Variants in NR3C2 observed in about 807,000 individuals in gnomAD.
NR3C2 encodes the protein mineralocorticoid receptor.
In NR3C2, 15 loss-of-function variants were observed where a neutral mutation model predicts 86.4. The ratio of observed to expected loss-of-function variants is 0.17; its 90% CI spans 0.12 to 0.27. The LOEUF (loss-of-function observed/expected upper bound fraction) is 0.27. NR3C2 is among the 10% of genes least tolerant of loss of function. NR3C2 has a pLI of 1.00. For missense variants in NR3C2, 960 were observed against 1,195.6 expected, an observed-to-expected ratio of 0.80 and a Z score of 2.91; for synonymous variants, 458 against 450.5, an observed-to-expected ratio of 1.02 and a Z score of -0.21.
intron 8 of NR3C2, among the ~76,000 whole-genome samples, chr4:148,111,260 G>T (rs1184047987): frequency 6.6e-6 from 1 of 152,180 alleles, no homozygotes; most frequent in Non-Finnish European, 1.5e-5. Flanking sequence ...TTTCGTAAGT[G>T]AAAACCACAG....
At chr4:148,192,658 C>T (rs543742117) in intron 4 of NR3C2, among the ~76,000 whole-genome samples, 2 of 147,968 alleles carry the variant, frequency 1.4e-5, no homozygotes, top group African/African-American at 5.0e-5. Context: ...CTTGCTGTGG[C>T]TGCTGTGGGG....
chr4:148,136,056 C>CAAAAACAAAAAAAAAA (rs1733300417), intron 6 of NR3C2, among the ~76,000 whole-genome samples: 1 of 71,182 alleles, frequency 1.4e-5, no homozygotes. Flanking sequence ...GACTCCGTCT[C>CAAAAACAAAAAAAAAA]AAAAAAAAAA....
rs368811582 is a variant in NR3C2 at position 148,359,889 on chromosome 4, G to A, written c.1757+75215C>T. On this transcript the variant is annotated intron_variant, in intron 2 of 8. Transcript: ENST00000358102. ...AATCAGCTTATCCCATGTAACTACA[G>A]AGGCTGGAGCCAGGTGAGCATTCAG... Among the ~76,000 whole-genome samples the A allele has an allele frequency of 6.6e-5, 10 of 152,314 alleles. No individual in the cohort carries two copies. The East Asian group carries it at 1.5e-3, about 24-fold the overall frequency.
At chr4:148,095,733 T>C (rs1731248189) in intron 8 of NR3C2, among the ~76,000 whole-genome samples, 1 of 152,166 alleles carries the variant, frequency 6.6e-6, no homozygotes, top group African/African-American at 2.4e-5. Flanking sequence ...GAGTCTAGAC[T>C]GGTGCAGGCT....
chr4:148,109,072 A>G (rs1731932473), intron 8 of NR3C2, among the ~76,000 whole-genome samples: 1 of 152,184 alleles, frequency 6.6e-6, no homozygotes, highest in Non-Finnish European at 1.5e-5. Context: ...CAGTGAGTCA[A>G]GGAAGTTCTG....
intron 4 of NR3C2, among the ~76,000 whole-genome samples, chr4:148,177,951 G>A (rs1214650933): frequency 6.6e-6 from 1 of 152,190 alleles, no homozygotes; most frequent in African/African-American, 2.4e-5. Context: ...ATTTTTTAAA[G>A]CTTCCGAGAT....
At chr4:148,186,990 ATG>A (rs1451448694) in intron 4 of NR3C2, among the ~76,000 whole-genome samples, 391 of 15,416 alleles carry the variant, frequency 0.025, 36 homozygotes, top group African/African-American at 0.047. Context: ...TGATGTGTGT[ATG>A]TATGTATATA....
At chr4:148,411,424 A>T (rs940923870) in intron 2 of NR3C2, among the ~76,000 whole-genome samples, 2 of 152,232 alleles carry the variant, frequency 1.3e-5, no homozygotes, top group Non-Finnish European at 2.9e-5. Context: ...ATTACAGACA[A>T]GGGTAATGTG....
At chr4:148,134,667 T>G (rs1223569450) in intron 6 of NR3C2, among the ~76,000 whole-genome samples, 1 of 145,396 alleles carries the variant, frequency 6.9e-6, no homozygotes, top group Non-Finnish European at 1.5e-5. Context: ...TTTTTTTTTT[T>G]AGAGGGAGTC....
At chr4:148,298,967 T>C (rs911404018) in intron 2 of NR3C2, among the ~76,000 whole-genome samples, 2 of 152,152 alleles carry the variant, frequency 1.3e-5, no homozygotes, top group African/African-American at 4.8e-5. Flanking sequence ...AGTGGGAGAA[T>C]GGGGTGGAGC....
chr4:148,240,594 C>T (rs1049892743), intron 3 of NR3C2, among the ~76,000 whole-genome samples: 42 of 152,160 alleles, frequency 2.8e-4, no homozygotes, highest in East Asian at 1.9e-4. Flanking sequence ...AAATATACAG[C>T]GACAGGGGCG....
At position 148,341,933 on chromosome 4, in the gene NR3C2, GT is replaced by G. The variant is rs1744767881; in HGVS notation, c.1758-81817del. On this transcript the variant is annotated intron_variant, in intron 2 of 8. Transcript: ENST00000358102. ...CCAAACCCTGCCTATTTGCAACTTA[GT>G]CAAAAACAACTGACAAGCAAAACAG... 2.6e-5 allele frequency among the ~76,000 whole-genome samples: 4 copies of G among 152,100 alleles called. No homozygotes were observed. In the South Asian group the frequency reaches 8.3e-4, roughly 32 times the overall value.
chr4:148,136,767 C>T (rs1021082381), intron 6 of NR3C2, among the ~76,000 whole-genome samples: 1 of 152,138 alleles, frequency 6.6e-6, no homozygotes, highest in African/African-American at 2.4e-5. Flanking sequence ...CTGCCTCAGC[C>T]TCCTGAGTAG....
Position 148,080,767 on chromosome 4 carries a change from A to G in NR3C2, c.*577T>C. 2.4e-6 allele frequency: 1 copy of G among 414,652 alleles called. No individual in the cohort carries two copies. The highest frequency in any genetic ancestry group is 4.9e-6 in the Non-Finnish European group (1 of 202,424). 25.7% of individuals were successfully genotyped at this position (414,652 alleles called of 1,614,324 possible). A position where few individuals can be genotyped will look rare whatever the true frequency, so the allele number is the denominator to read the frequency against. ...AAGAAATGGACGCTAACGAGTGTGT[A>G]TACCAGTGATGCAGAAGACCGTGGA... On this transcript the variant is annotated 3_prime_UTR_variant, in exon 9 of 9. Coordinates refer to ENST00000358102, the MANE Select transcript of NR3C2 (RefSeq NM_000901.5).
At chr4:148,185,254 A>T (rs748530972) in intron 4 of NR3C2, among the ~76,000 whole-genome samples, 32 of 152,354 alleles carry the variant, frequency 2.1e-4, no homozygotes, top group Non-Finnish European at 3.8e-4. Flanking sequence ...TGAGTGACAG[A>T]GCAATGGCTC....
At chr4:148,171,140 C>T (rs1486359183) in intron 4 of NR3C2, among the ~76,000 whole-genome samples, 1 of 152,246 alleles carries the variant, frequency 6.6e-6, no homozygotes, top group Non-Finnish European at 1.5e-5. Flanking sequence ...CTTCCTTCAG[C>T]TGTGTTGCTG....
intron 2 of NR3C2, among the ~76,000 whole-genome samples, chr4:148,307,627 TG>T (rs924261369): frequency 5.3e-5 from 8 of 152,178 alleles, no homozygotes; most frequent in Non-Finnish European, 1.0e-4. Flanking sequence ...TATTTATATT[TG>T]TTTAACAATA....
At chr4:148,233,577 C>G (rs1289853288) in intron 3 of NR3C2, among the ~76,000 whole-genome samples, 1 of 151,984 alleles carries the variant, frequency 6.6e-6, no homozygotes, top group Non-Finnish European at 1.5e-5. Flanking sequence ...CCAGGCTGGT[C>G]TCAAACTCCT....
At chr4:148,097,751 G>T (rs6846738) in intron 8 of NR3C2, among the ~76,000 whole-genome samples, 39,739 of 101,712 alleles carry the variant, frequency 0.39, 6,383 homozygotes, top group African/African-American at 0.48. Context: ...GTTTTTTTTT[G>T]TTTTTTTTTT....
Sources: gnomAD v4.1 joint callset for allele counts (sites outside exome capture counted in the v4.1 genomes callset) on GRCh38, gnomAD v4.1.1 for gene constraint, MANE v1.5 for transcripts, NCBI Gene and HGNC (gene_info 2026-07-23, HGNC 2026-07-21) for gene names.